Variants in REPS1 observed in about 807,000 individuals in gnomAD.
The protein encoded by REPS1 is RALBP1 associated Eps domain containing 1, also known as ralBP1-associated Eps domain-containing protein 1.
REPS1 carries 39 observed loss-of-function variants against 100.9 expected under a neutral mutation model. The ratio of observed to expected loss-of-function variants is 0.39; its 90% CI spans 0.30 to 0.50. The LOEUF (loss-of-function observed/expected upper bound fraction) is 0.50. REPS1 is among the 20% of genes least tolerant of loss of function. The probability of loss-of-function intolerance (pLI) is 0.86; values close to 1 mark genes in which losing one functional copy is unlikely to be tolerated. For missense variants in REPS1, 821 were observed against 968.5 expected (o/e 0.85, Z 2.02); for synonymous variants, 324 against 340.3 (o/e 0.95, Z 0.53).
intron 1 of REPS1, among the ~76,000 whole-genome samples, chr6:138,961,901 T>C (rs1397827347): frequency 6.6e-6 from 1 of 152,138 alleles, no homozygotes. Context: ...GTGAGGAAAG[T>C]AGTGAACTAA....
chr6:138,937,662 T>C (rs2128466708), intron 8 of REPS1, among the ~76,000 whole-genome samples: 1 of 152,318 alleles, frequency 6.6e-6, no homozygotes, highest in South Asian at 2.1e-4. Flanking sequence ...ACACATCCCT[T>C]TCCTTCTTTC....
chr6:138,908,688 T>C lies in REPS1; in HGVS notation c.2196A>G (p.Ala732=), dbSNP rs755382869. Residue 732 remains alanine, a synonymous_variant, in exon 18 of 20, where the codon GCA becomes GCG. Transcript: ENST00000450536. ...ATTACCTGGGAATAGAAGGTTGTGATGCAAGAACAGCAGCTAAGACACCCG... is the reference window on the plus strand; with the variant it reads ...ATTACCTGGGAATAGAAGGTTGTGACGCAAGAACAGCAGCTAAGACACCCG... ...QKTGVLAAVL[A]SQPSIPRSVG... is the part of the protein sequence containing the mutation. 6.2e-7 allele frequency: 1 copy of C among 1,614,220 alleles called. No homozygotes were observed. The highest frequency in any genetic ancestry group is 1.7e-5 in the Admixed American group (1 of 60,030).
chr6:138,969,309 C>T (rs1270956581), intron 1 of REPS1, among the ~76,000 whole-genome samples: 2 of 89,872 alleles, frequency 2.2e-5, no homozygotes, highest in African/African-American at 7.5e-5. Flanking sequence ...AGATAGCTCT[C>T]GCTCTGTCTC....
Position 138,930,091 on chromosome 6 carries a change from C to A in REPS1, c.1143G>T (p.Gly381=), listed in dbSNP as rs779228704. Residue 381 remains glycine (G), a synonymous_variant, in exon 9 of 20, where the codon GGG becomes GGT. Transcript: ENST00000450536. ...AATAACCTACCTCACCTGGCTGATC[C>A]CCAACATCTGCAATTTAAAAATAGA... ...LIDLEDSADV[G]DQPGEVGYSG... is the part of the protein sequence containing the mutation. 6.2e-7 allele frequency: 1 copy of A among 1,612,626 alleles called. No individual in the cohort carries two copies. The highest frequency in any genetic ancestry group is 8.5e-7 in the Non-Finnish European group (1 of 1,178,998).
chr6:138,917,526 A>C, intron 13 of REPS1, 29 bp downstream of exon 13: 1 of 1,531,086 alleles, frequency 6.5e-7, no homozygotes. Flanking sequence ...AGATAGTTTA[A>C]CATGCTTTTC....
chr6:138,912,975 A>T (rs750018085), intron 15 of REPS1, 25 bp from the exon 16 acceptor site: 20 of 1,582,502 alleles, frequency 1.3e-5, no homozygotes, highest in Non-Finnish European at 1.6e-5. Flanking sequence ...AGAACAGAGG[A>T]ACACACATTC....
In REPS1 at chr6:138,944,604, G is replaced by C. The variant is rs1231307320; in HGVS notation, c.647C>G (p.Ala216Gly). 2.5e-6 allele frequency: 4 copies of C among 1,613,536 alleles called. No homozygotes were observed. The African/African-American group carries it at 5.3e-5, about 22-fold the overall frequency. Residue 216 changes from alanine (A) to glycine (G), a missense_variant, in exon 5 of 20, where the codon GCA (alanine) becomes GGA (glycine). Physicochemically the swap from Ala to Gly is moderately conservative, Grantham distance 60 (BLOSUM62 0). Around this residue, in one of 3 missense-constraint regions of REPS1, gnomAD observed 757 missense variants for 866.4 expected, o/e 0.87. Transcript: ENST00000450536. ...AGGTGGGGAATGCCCTGACCACACT[G>C]CATCACCAGCAGAAGAACCTATAAG... is the stretch of plus-strand genomic sequence containing the variant. The part of the protein sequence containing the change: ...EAQSGSSAGD[A>G]VWSGHSPPPP...
intron 1 of REPS1, among the ~76,000 whole-genome samples, chr6:138,979,106 G>A (rs562150686): frequency 2.0e-5 from 3 of 149,088 alleles, no homozygotes; most frequent in South Asian, 2.1e-4. Context: ...GCTTCAACCC[G>A]GGAGGCGGAG....
chr6:138,912,796 T>C lies in REPS1; in HGVS notation c.1940A>G (p.Asp647Gly), dbSNP rs1370161538. 4 of 1,614,082 alleles carry C rather than the reference T, an allele frequency of 2.5e-6. No homozygotes were observed. The highest frequency in any genetic ancestry group is 3.4e-6 in the Non-Finnish European group (4 of 1,180,034). Reference sequence around the variant, plus strand: ...GACTTCTGGATGTTTCTCGGCTTCATCATCTTGTTCGTCGTTTACATTTGA... The same window carrying C: ...GACTTCTGGATGTTTCTCGGCTTCACCATCTTGTTCGTCGTTTACATTTGA... ...AASNVNDEQD[D>G]EAEKHPEVLP... Residue 647 changes from aspartate (D) to glycine (G), a missense_variant, in exon 16 of 20, where the codon GAT (aspartate) becomes GGT (glycine). By Grantham distance (94) the Asp-to-Gly change is moderately conservative. Around this residue, in one of 3 missense-constraint regions of REPS1, gnomAD observed 757 missense variants for 866.4 expected, o/e 0.87. Transcript: ENST00000450536.
chr6:138,980,357 G>A (rs954336172), intron 1 of REPS1, among the ~76,000 whole-genome samples: 3 of 152,012 alleles, frequency 2.0e-5, no homozygotes, highest in East Asian at 1.9e-4. Flanking sequence ...CTACACCCCC[G>A]AATAAAAACT....
At chr6:138,917,667 C>A (rs1178336571) in intron 12 of REPS1, 40 bp from the exon 13 acceptor site, 3 of 1,541,126 alleles carry the variant, frequency 1.9e-6, no homozygotes, top group Admixed American at 1.7e-5. Context: ...ATAATCATTT[C>A]TTTACTTTTT....
At chr6:138,917,357 ACCATTT>A (rs1780468531) in intron 13 of REPS1, among the ~76,000 whole-genome samples, 192 bp downstream of exon 13, 1 of 152,234 alleles carries the variant, frequency 6.6e-6, no homozygotes, top group Non-Finnish European at 1.5e-5. Context: ...TCCACAACAT[ACCATTT>A]AGAAAGTCAG....
intron 1 of REPS1, among the ~76,000 whole-genome samples, chr6:138,961,374 T>C (rs1783730197): frequency 6.6e-6 from 1 of 152,242 alleles, no homozygotes; most frequent in Admixed American, 6.5e-5. Context: ...GTAGCTGGGA[T>C]TACAGACGCC....
At chr6:138,912,715 TA>T (rs755163372) in intron 16 of REPS1, 49 bp downstream of exon 16, 1 of 1,534,540 alleles carries the variant, frequency 6.5e-7, no homozygotes, top group Non-Finnish European at 9.0e-7. Context: ...CACAACATGG[TA>T]TGGGAAGTGA....
At chr6:138,978,343 C>T (rs1178715807) in intron 1 of REPS1, among the ~76,000 whole-genome samples, 1 of 151,264 alleles carries the variant, frequency 6.6e-6, no homozygotes, top group East Asian at 1.9e-4. Context: ...GGCTGGAGTC[C>T]ATTGGCGCAA....
chr6:138,937,878 G>A (rs1215933386), intron 8 of REPS1, among the ~76,000 whole-genome samples: 1 of 151,762 alleles, frequency 6.6e-6, no homozygotes, highest in Non-Finnish European at 1.5e-5. Context: ...TCTAGTCTGA[G>A]AGAAAGATAT....
chr6:138,981,615 C>T (rs75075135), intron 1 of REPS1, among the ~76,000 whole-genome samples: 13,389 of 152,178 alleles, frequency 0.088, 1,231 homozygotes, highest in African/African-American at 0.23. Context: ...AGTGGAGCAA[C>T]TAACCACAAG....
At chr6:138,976,275 G>A (rs1784599993) in intron 1 of REPS1, among the ~76,000 whole-genome samples, 1 of 151,978 alleles carries the variant, frequency 6.6e-6, no homozygotes, top group Admixed American at 6.6e-5. Context: ...ATAACCCATG[G>A]ACAAAAAGAA....
At chr6:138,984,415 A>G (rs1785139770) in intron 1 of REPS1, among the ~76,000 whole-genome samples, 1 of 152,028 alleles carries the variant, frequency 6.6e-6, no homozygotes, top group African/African-American at 2.4e-5. Flanking sequence ...TCCCACCACT[A>G]TAGTCCAGGT....
Sources: allele counts gnomAD v4.1 joint callset (sites outside exome capture counted in the v4.1 genomes callset), GRCh38; gene constraint gnomAD v4.1.1; regional missense constraint gnomAD v4.1.1; transcripts MANE v1.5; gene names NCBI Gene and HGNC (gene_info 2026-07-23, HGNC 2026-07-21).